ROBO2: variants seen among roughly 807,000 people sequenced by gnomAD.
ROBO2 encodes the protein roundabout homolog 2.
A neutral mutation model predicts 160.8 loss-of-function variants in ROBO2; 53 were observed. The observed-to-expected ratio is 0.33, with a 90% CI of 0.26 to 0.41. The LOEUF (loss-of-function observed/expected upper bound fraction) is 0.41. ROBO2 is among the 10% of genes least tolerant of loss of function. The probability of loss-of-function intolerance (pLI) is 1.00; values close to 1 mark genes in which losing one functional copy is unlikely to be tolerated. For synonymous variants in ROBO2, 664 were observed against 611.7 expected (o/e 1.09, Z -1.26); for missense variants, 1,577 against 1,722.4 (o/e 0.92, Z 1.49).
intron 2 of ROBO2, among the ~76,000 whole-genome samples, chr3:76,665,894 C>T (rs150234606): frequency 0.088 from 10,359 of 117,754 alleles, 421 homozygotes; most frequent in Non-Finnish European, 0.11. Context: ...ATAATATATA[C>T]ATATTATATA....
At chr3:76,925,319 C>T (rs887033666) in intron 2 of ROBO2, among the ~76,000 whole-genome samples, 4 of 151,444 alleles carry the variant, frequency 2.6e-5, no homozygotes, top group African/African-American at 9.7e-5. Flanking sequence ...CTTGCAGGTT[C>T]TGATTTGCCT....
chr3:77,577,757 A>G (rs1020226298), intron 15 of ROBO2, 143 bp downstream of exon 16: 3 of 1,017,984 alleles, frequency 2.9e-6, no homozygotes, highest in Non-Finnish European at 4.5e-6. Flanking sequence ...GTGACAGAGA[A>G]TGAAACAAAT....
At chr3:76,674,332 G>A (rs2092348081) in intron 2 of ROBO2, among the ~76,000 whole-genome samples, 1 of 151,910 alleles carries the variant, frequency 6.6e-6, no homozygotes, top group South Asian at 2.1e-4. Flanking sequence ...ATCTTGGAAC[G>A]GCACTAAACA....
chr3:76,795,074 G>T (rs2063600526), intron 2 of ROBO2, among the ~76,000 whole-genome samples: 1 of 152,090 alleles, frequency 6.6e-6, no homozygotes, highest in African/African-American at 2.4e-5. Flanking sequence ...AATTAAGTGT[G>T]CAATACCATT....
At chr3:75,955,628 T>G (rs1050353528) in intron 2 of ROBO2, among the ~76,000 whole-genome samples, 1 of 151,594 alleles carries the variant, frequency 6.6e-6, no homozygotes, top group African/African-American at 2.4e-5. Context: ...AAACTTAAAG[T>G]ATAATAATAA....
At chr3:76,957,153 AG>A (rs1401675895) in intron 2 of ROBO2, among the ~76,000 whole-genome samples, 8 of 152,034 alleles carry the variant, frequency 5.3e-5, no homozygotes, top group Non-Finnish European at 1.0e-4. Context: ...GTTTGTTTCT[AG>A]TACCAAAATA....
intron 5 of ROBO2, among the ~76,000 whole-genome samples, chr3:77,515,764 T>C (rs565015286): frequency 2.6e-5 from 4 of 151,824 alleles, no homozygotes; most frequent in Admixed American, 1.3e-4. Context: ...ATATAGTTGA[T>C]GAAAATTGCG....
intron 2 of ROBO2, among the ~76,000 whole-genome samples, chr3:76,274,254 C>CAACA (rs1317129347): frequency 6.6e-6 from 1 of 151,516 alleles, no homozygotes; most frequent in Non-Finnish European, 1.5e-5. Flanking sequence ...TTTTGTGGAG[C>CAACA]AACAACAAAA....
chr3:76,203,812 T>G (rs1375929623), intron 2 of ROBO2, among the ~76,000 whole-genome samples: 5 of 148,508 alleles, frequency 3.4e-5, no homozygotes, highest in Non-Finnish European at 7.5e-5. Flanking sequence ...GTTCTAGTAA[T>G]CTGAGTCAGA....
intron 2 of ROBO2, among the ~76,000 whole-genome samples, chr3:76,332,090 G>A (rs2073533973): frequency 6.6e-6 from 1 of 152,132 alleles, no homozygotes; most frequent in African/African-American, 2.4e-5. Flanking sequence ...ATAAAAAATA[G>A]GAATCATAGA....
At chr3:76,646,390 A>G (rs952855553) in intron 2 of ROBO2, among the ~76,000 whole-genome samples, 3 of 152,202 alleles carry the variant, frequency 2.0e-5, no homozygotes, top group Admixed American at 6.5e-5. Flanking sequence ...TAGATGGGCC[A>G]TTGATTGGTA....
At chr3:76,092,835 CAT>C in intron 2 of ROBO2, among the ~76,000 whole-genome samples, 1 of 152,262 alleles carries the variant, frequency 6.6e-6, no homozygotes, top group Non-Finnish European at 1.5e-5. Context: ...AAAATGCAAA[CAT>C]ATTCAGTGAC....
intron 2 of ROBO2, among the ~76,000 whole-genome samples, chr3:75,988,381 T>C (rs1329302691): frequency 6.6e-6 from 1 of 152,154 alleles, no homozygotes; most frequent in East Asian, 1.9e-4. Context: ...ATGTTCTCAC[T>C]TTCATTTGTG....
chr3:76,945,084 T>TG (rs34521687), intron 2 of ROBO2, among the ~76,000 whole-genome samples: 40,235 of 151,674 alleles, frequency 0.27, 5,577 homozygotes, highest in South Asian at 0.34. Context: ...GAGACGGGGT[T>TG]TCACTGTGTT....
chr3:77,617,997 G>C (rs537534031), intron 22 of ROBO2: 2 of 562,634 alleles, frequency 3.6e-6, no homozygotes, highest in Non-Finnish European at 3.1e-6. Context: ...AGCTGTAACT[G>C]TAACTGTAAC....
chr3:77,482,770 C>T (rs898043979), intron 4 of ROBO2, among the ~76,000 whole-genome samples: 1 of 151,710 alleles, frequency 6.6e-6, no homozygotes, highest in Non-Finnish European at 1.5e-5. Flanking sequence ...GGTCACTGAA[C>T]GTTAGCATTG....
intron 2 of ROBO2, among the ~76,000 whole-genome samples, chr3:76,385,154 C>T (rs1197990172): frequency 1.3e-5 from 2 of 152,030 alleles, no homozygotes; most frequent in Non-Finnish European, 2.9e-5. Context: ...ACCACCATGT[C>T]TGGCTAACTT....
intron 2 of ROBO2, among the ~76,000 whole-genome samples, chr3:76,603,554 T>C (rs1010615111): frequency 1.3e-5 from 2 of 151,604 alleles, no homozygotes; most frequent in African/African-American, 4.9e-5. Context: ...AATGAATAGA[T>C]GGAGTTTTTT....
At chr3:76,473,705 G>A in intron 2 of ROBO2, among the ~76,000 whole-genome samples, 1 of 152,090 alleles carries the variant, frequency 6.6e-6, no homozygotes. Context: ...TTCAATTAAA[G>A]AATGTTGAAT....
Sources: allele counts gnomAD v4.1 joint callset (sites outside exome capture counted in the v4.1 genomes callset), GRCh38; gene constraint gnomAD v4.1.1; transcripts MANE v1.5; gene names NCBI Gene and HGNC (gene_info 2026-07-23, HGNC 2026-07-21).